RIT2: variants seen among roughly 807,000 people sequenced by gnomAD.
RIT2 encodes the protein Ras like without CAAX 2, also known as GTP-binding protein Rit2.
RIT2 carries 24 observed loss-of-function variants against 23.7 expected under a neutral mutation model. The ratio of observed to expected loss-of-function variants is 1.01; its 90% CI spans 0.73 to 1.43. The LOEUF is 1.43. RIT2 is among the 40% of genes most tolerant of loss of function. The pLI is 0.00. For missense variants in RIT2, 236 were observed against 266.9 expected, an observed-to-expected ratio of 0.88 and a Z score of 0.81; for synonymous variants, 107 against 91.1, an observed-to-expected ratio of 1.17 and a Z score of -0.99.
chr18:42,906,812 G>A (rs1471497122), intron 4 of RIT2, among the ~76,000 whole-genome samples: 1 of 152,136 alleles, frequency 6.6e-6, no homozygotes, highest in Admixed American at 6.6e-5. Flanking sequence ...AAGAGAACCA[G>A]TAATGAAAAC....
chr18:43,037,397 T>C (rs1484249669), intron 1 of RIT2, among the ~76,000 whole-genome samples: 1 of 152,210 alleles, frequency 6.6e-6, no homozygotes, highest in East Asian at 1.9e-4. Context: ...ATCACTGCAT[T>C]AACTTTGTTT....
At chr18:42,841,921 T>C (rs528841758) in intron 4 of RIT2, among the ~76,000 whole-genome samples, 300 of 152,316 alleles carry the variant, frequency 2.0e-3, no homozygotes, top group African/African-American at 6.6e-3. Context: ...ATGCCACCCA[T>C]GTCTGGCACA....
chr18:42,921,599 C>T (rs1342059153), intron 4 of RIT2, among the ~76,000 whole-genome samples: 6 of 152,010 alleles, frequency 3.9e-5, no homozygotes, highest in Non-Finnish European at 7.4e-5. Flanking sequence ...TAAATGTCAG[C>T]CAGCTTTGGA....
Position 43,115,459 on chromosome 18 carries a change from A to T in RIT2, c.61T>A (p.Tyr21Asn). Residue 21 changes from tyrosine (Y) to asparagine (N), a missense_variant, in exon 1 of 5, where the codon TAC becomes AAC. By Grantham distance (143) the Tyr-to-Asn change is moderately radical. Transcript: ENST00000326695. ...PGSASGGSRE[Y>N]KVVMLGAGGV... is the part of the protein sequence containing the mutation. ...CCTGCTCCCAGCATTACCACCTTGT[A>T]CTCTCTGGACCCGCCTGATGCGCTG... 6.2e-7 allele frequency: 1 copy of T among 1,613,308 alleles called. No homozygotes were observed. The highest frequency in any genetic ancestry group is 8.5e-7 in the Non-Finnish European group (1 of 1,179,726).
At chr18:43,105,059 C>G (rs144309785) in intron 1 of RIT2, among the ~76,000 whole-genome samples, 332 of 151,466 alleles carry the variant, frequency 2.2e-3, no homozygotes, top group Non-Finnish European at 4.1e-3. Flanking sequence ...GCTATTGTAG[C>G]AGGCAATTGT....
intron 3 of RIT2, among the ~76,000 whole-genome samples, chr18:42,973,437 ATTAAG>A (rs998298977): frequency 3.9e-5 from 6 of 151,962 alleles, no homozygotes; most frequent in African/African-American, 9.7e-5. Flanking sequence ...TTTTGAAAGT[ATTAAG>A]TTAAATAAAA....
chr18:42,771,948 G>A (rs1913561202), intron 4 of RIT2, among the ~76,000 whole-genome samples: 1 of 152,046 alleles, frequency 6.6e-6, no homozygotes, highest in Non-Finnish European at 1.5e-5. Flanking sequence ...TTTATCCTAT[G>A]TCCACAAAGA....
rs148958272 is a variant in RIT2 at position 42,821,853 on chromosome 18, C to T, written c.427-78133G>A. Among the ~76,000 whole-genome samples the T allele has an allele frequency of 3.1e-3, 476 of 152,226 alleles. 2 individuals are homozygous for T. Among genetic ancestry groups the T allele is most frequent in the African/African-American group, 0.011 (462 of 41,532 alleles). On this transcript the variant is annotated intron_variant, in intron 4 of 4. Transcript: ENST00000326695. ...AACACAGTTCCTAACCTCACAGAGC[C>T]TGGAACTAAATGAAGTAAAAAACAC...
chr18:42,778,845 G>A (rs1158502375), intron 4 of RIT2, among the ~76,000 whole-genome samples: 2 of 151,998 alleles, frequency 1.3e-5, no homozygotes, highest in Non-Finnish European at 2.9e-5. Flanking sequence ...GGCAAAGACG[G>A]CACACACAAA....
intron 1 of RIT2, among the ~76,000 whole-genome samples, 154 bp from the exon 2 acceptor site, chr18:43,034,021 A>G (rs568654565): frequency 1.4e-4 from 21 of 152,320 alleles, no homozygotes; most frequent in African/African-American, 4.6e-4. Context: ...GAAAACAATA[A>G]GACGAAGTTC....
At chr18:42,757,864 T>C (rs913250463) in intron 4 of RIT2, among the ~76,000 whole-genome samples, 1 of 152,182 alleles carries the variant, frequency 6.6e-6, no homozygotes, top group African/African-American at 2.4e-5. Flanking sequence ...CCCAAAAGAA[T>C]GATTTCAACA....
rs1012397945 is a variant in RIT2, at chr18:42,743,400, C to T, written c.*93G>A. The T allele has an allele frequency of 4.5e-6, 4 of 889,836 alleles. No individual in the cohort carries two copies. Among genetic ancestry groups the T allele is most frequent in the Middle Eastern group, 2.4e-4 (1 of 4,224 alleles). 55.1% of individuals were successfully genotyped at this position (889,836 alleles called of 1,614,324 possible). ...AGGCAGATATTTAAAGAGAGAGAGACACATAGAGAGATAATATTGAAGCAG... is the reference window on the plus strand; with the variant it reads ...AGGCAGATATTTAAAGAGAGAGAGATACATAGAGAGATAATATTGAAGCAG... On this transcript the variant is annotated 3_prime_UTR_variant, in exon 5 of 5. Coordinates refer to ENST00000326695, the MANE Select transcript of RIT2 (RefSeq NM_002930.4).
chr18:42,920,603 C>T, intron 4 of RIT2: 3 of 784,250 alleles, frequency 3.8e-6, no homozygotes, highest in Non-Finnish European at 6.3e-6. Flanking sequence ...TACACTAAAA[C>T]TCGTTGTCTT....
intron 3 of RIT2, among the ~76,000 whole-genome samples, chr18:42,965,711 C>CTTTTTTTT (rs58344278): frequency 2.1e-4 from 8 of 37,776 alleles, no homozygotes; most frequent in Non-Finnish European, 4.3e-4. Context: ...GTACTGATGG[C>CTTTTTTTT]TTTTTTTTTT....
intron 3 of RIT2, among the ~76,000 whole-genome samples, chr18:42,965,963 G>C (rs1910213307): frequency 6.6e-6 from 1 of 151,932 alleles, no homozygotes. Flanking sequence ...AATGATTCAT[G>C]AGCATAATGC....
chr18:42,779,921 T>C (rs1913766504), intron 4 of RIT2, among the ~76,000 whole-genome samples: 1 of 152,176 alleles, frequency 6.6e-6, no homozygotes, highest in South Asian at 2.1e-4. Context: ...ATGGAGAGAA[T>C]AGTCAATTTT....
chr18:42,812,045 T>C (rs539413503), intron 4 of RIT2, among the ~76,000 whole-genome samples: 6 of 152,256 alleles, frequency 3.9e-5, no homozygotes, highest in Admixed American at 2.6e-4. Context: ...ATATGCAAGA[T>C]GTATGGTAAG....
At chr18:42,811,721 C>T (rs10502799) in intron 4 of RIT2, among the ~76,000 whole-genome samples, 11,060 of 151,820 alleles carry the variant, frequency 0.073, 1,280 homozygotes, top group African/African-American at 0.25. Context: ...TTAGTTGAAA[C>T]GGAATGGAAG....
At chr18:42,911,134 G>C (rs1405554413) in intron 4 of RIT2, among the ~76,000 whole-genome samples, 3 of 151,952 alleles carry the variant, frequency 2.0e-5, no homozygotes, top group Non-Finnish European at 2.9e-5. Flanking sequence ...CAGAAACTCA[G>C]GGGGAAATTT....
Sources: allele counts gnomAD v4.1 joint callset (sites outside exome capture counted in the v4.1 genomes callset), GRCh38; gene constraint gnomAD v4.1.1; transcripts MANE v1.5; gene names NCBI Gene and HGNC (gene_info 2026-07-23, HGNC 2026-07-21).